PXT1: variants seen among roughly 807,000 people sequenced by gnomAD.
PXT1 encodes peroxisomal testis-specific protein 1.
Under a neutral mutation model 11.0 loss-of-function variants are expected in PXT1, and 11 were observed. The ratio of observed to expected loss-of-function variants is 1.00; its 90% CI spans 0.63 to 1.66. The LOEUF (loss-of-function observed/expected upper bound fraction) is 1.66. PXT1 is among the 40% of genes most tolerant of loss of function. The pLI is 0.00. For synonymous variants in PXT1, 43 were observed against 51.4 expected (o/e 0.84, Z 0.70); for missense variants, 141 against 155.5 (o/e 0.91, Z 0.49).
At chr6:36,409,968 A>AGAG (rs1554152342) in intron 3 of PXT1, among the ~76,000 whole-genome samples, 2 of 146,910 alleles carry the variant, frequency 1.4e-5, no homozygotes, top group African/African-American at 2.6e-5. Context: ...AGAAAGAGAA[A>AGAG]AAAGAAAGAA....
intron 3 of PXT1, among the ~76,000 whole-genome samples, chr6:36,417,535 G>A (rs889615864): frequency 3.4e-5 from 5 of 145,548 alleles, no homozygotes; most frequent in Admixed American, 7.1e-5. Context: ...CAGGAGGATC[G>A]CTTGAGCCCA....
At chr6:36,399,531 GT>G (rs1774186882) in intron 4 of PXT1, among the ~76,000 whole-genome samples, 1 of 152,182 alleles carries the variant, frequency 6.6e-6, no homozygotes, top group Non-Finnish European at 1.5e-5. Context: ...AAGGCTGTGT[GT>G]TGTCCACATT....
chr6:36,408,703 CAAAAAAAAAAAA>C (rs60161051), intron 3 of PXT1, among the ~76,000 whole-genome samples: 1 of 113,406 alleles, frequency 8.8e-6, no homozygotes, highest in African/African-American at 3.4e-5. Context: ...CTGTCTCTAC[CAAAAAAAAAAAA>C]AAAAAAAAAA....
intron 2 of PXT1, among the ~76,000 whole-genome samples, chr6:36,432,108 G>A (rs567798425): frequency 6.6e-6 from 1 of 152,210 alleles, no homozygotes; most frequent in African/African-American, 2.4e-5. Flanking sequence ...TATACAGGTA[G>A]ATAGATAGAT....
In PXT1 at chr6:36,391,901, A is replaced by G. The variant is rs756832180; in HGVS notation, c.301-27T>C. The G allele has an allele frequency of 3.2e-5, 43 of 1,351,834 alleles. 1 individual carries two copies. The highest frequency in any genetic ancestry group is 4.2e-5 in the Non-Finnish European group (42 of 1,010,688). 83.7% of individuals were successfully genotyped at this position (1,351,834 alleles called of 1,614,324 possible). ...TATTTGAAAAAAGGGAGACACAGAG[A>G]AAGGTTTTTTTTTTTTTTTAAAAGT... On this transcript the variant is annotated intron_variant, in intron 4 of 4. Coordinates refer to ENST00000454782, the MANE Select transcript of PXT1 (RefSeq NM_152990.4).
At chr6:36,415,015 ATAGT>A in intron 3 of PXT1, among the ~76,000 whole-genome samples, 1 of 152,334 alleles carries the variant, frequency 6.6e-6, no homozygotes, top group South Asian at 2.1e-4. Flanking sequence ...CAAATTTATC[ATAGT>A]TAAATGTTTA....
chr6:36,391,463 T>C lies in PXT1; in HGVS notation c.*307A>G, dbSNP rs1774065363. On this transcript the variant is annotated 3_prime_UTR_variant, in exon 5 of 5. Transcript: ENST00000454782. ...TTCCTGGAAGGAAATGTTCAAGGTT[T>C]CCTCACAAGGAGCCCTGGGACCATC... 3.3e-6 allele frequency: 1 copy of C among 298,962 alleles called. No homozygotes were observed. Among genetic ancestry groups the C allele is most frequent in the African/African-American group, 2.2e-5 (1 of 44,600 alleles). 18.5% of individuals were successfully genotyped at this position (298,962 alleles called of 1,614,324 possible).
Position 36,437,616 on chromosome 6 carries a change from C to G in PXT1, c.-10+1151G>C, listed in dbSNP as rs529518161. On this transcript the variant is annotated intron_variant, in intron 2 of 4. Coordinates refer to ENST00000454782, the MANE Select transcript of PXT1 (RefSeq NM_152990.4). ...GCAATCTCTGCCTCCTGGGTTCATGCCATTCTCCTGCCTCAGCCTCCTGAG... is the reference window on the plus strand; with the variant it reads ...GCAATCTCTGCCTCCTGGGTTCATGGCATTCTCCTGCCTCAGCCTCCTGAG... Among the ~76,000 whole-genome samples, 5 of 146,908 alleles carry G rather than the reference C, an allele frequency of 3.4e-5. No homozygotes were observed. In the South Asian group the frequency reaches 1.1e-3, roughly 32 times the overall value.
At chr6:36,391,906 T>TG in intron 4 of PXT1, 32 bp from the exon 5 acceptor site, 3 of 786,788 alleles carry the variant, frequency 3.8e-6, no homozygotes, top group Non-Finnish European at 5.1e-6. Flanking sequence ...CAGAGAAAGG[T>TG]TTTTTTTTTT....
rs535501587 is a variant in PXT1 at position 36,428,844 on chromosome 6, C to T, written c.-9-2753G>A. On this transcript the variant is annotated intron_variant, in intron 2 of 4. Coordinates refer to ENST00000454782, the MANE Select transcript of PXT1 (RefSeq NM_152990.4). ...CTAATTTCTGTATTTTTAGTAGAGA[C>T]GGGGTTTCACCAAGTTGTCCAGGCT... Among the ~76,000 whole-genome samples the T allele has an allele frequency of 3.4e-3, 524 of 151,894 alleles. 4 individuals carry two copies. Among genetic ancestry groups the T allele is most frequent in the African/African-American group, 0.012 (490 of 41,440 alleles).
chr6:36,429,997 A>ACTCT lies in PXT1; in HGVS notation c.-9-3907_-9-3906insAGAG, dbSNP rs567226758. On this transcript the variant is annotated intron_variant, in intron 2 of 4. Coordinates refer to ENST00000454782, the MANE Select transcript of PXT1 (RefSeq NM_152990.4). ...GTGGATAGGTGGATCACTTGAGATC[A>ACTCT]GGAGCTCGAGAGTAGCCTGGCCAAC... is the stretch of plus-strand genomic sequence containing the variant. Among the ~76,000 whole-genome samples, 570 of 151,948 alleles carry ACTCT rather than the reference A, an allele frequency of 3.8e-3. 4 individuals are homozygous for ACTCT. The highest frequency in any genetic ancestry group is 0.013 in the African/African-American group (543 of 41,496).
intron 2 of PXT1, among the ~76,000 whole-genome samples, chr6:36,435,878 C>A (rs1774755201): frequency 1.3e-5 from 2 of 152,164 alleles, no homozygotes; most frequent in South Asian, 4.1e-4. Flanking sequence ...CTAGAATAAA[C>A]CCCCTTTTCC....
intron 3 of PXT1, among the ~76,000 whole-genome samples, chr6:36,413,242 C>A (rs1433923414): frequency 6.6e-6 from 1 of 151,860 alleles, no homozygotes; most frequent in African/African-American, 2.4e-5. Context: ...CATGGTGAAA[C>A]CCCATCTCTA....
At chr6:36,430,806 A>C (rs1176107437) in intron 2 of PXT1, among the ~76,000 whole-genome samples, 1 of 151,814 alleles carries the variant, frequency 6.6e-6, no homozygotes, top group Non-Finnish European at 1.5e-5. Flanking sequence ...TTTTTTTTTA[A>C]TTTTTTGAGA....
intron 3 of PXT1, among the ~76,000 whole-genome samples, chr6:36,404,244 A>G (rs1332607250): frequency 1.3e-5 from 2 of 152,230 alleles, no homozygotes; most frequent in East Asian, 1.9e-4. Flanking sequence ...CAGTATAAGA[A>G]CACAGCCATG....
chr6:36,429,897 A>G (rs1447842522), intron 2 of PXT1, among the ~76,000 whole-genome samples: 1 of 152,034 alleles, frequency 6.6e-6, no homozygotes, highest in Non-Finnish European at 1.5e-5. Context: ...AGCTTAAAAT[A>G]CATTAGAAGT....
chr6:36,415,112 G>A (rs1774429458), intron 3 of PXT1, among the ~76,000 whole-genome samples: 1 of 152,070 alleles, frequency 6.6e-6, no homozygotes, highest in Admixed American at 6.6e-5. Context: ...TCTCAGGAAG[G>A]CTCAAAGTCT....
chr6:36,412,743 G>A (rs1031167044), intron 3 of PXT1, among the ~76,000 whole-genome samples: 2 of 149,756 alleles, frequency 1.3e-5, no homozygotes, highest in Non-Finnish European at 3.0e-5. Context: ...TTACAGGCAT[G>A]AGCCACTGCA....
At chr6:36,397,155 T>C (rs1269050128) in intron 4 of PXT1, among the ~76,000 whole-genome samples, 1 of 152,224 alleles carries the variant, frequency 6.6e-6, no homozygotes, top group Non-Finnish European at 1.5e-5. Flanking sequence ...CCTGGATGCA[T>C]TCTTACTGGG....
Sources: allele counts gnomAD v4.1 joint callset (sites outside exome capture counted in the v4.1 genomes callset), GRCh38; gene constraint gnomAD v4.1.1; transcripts MANE v1.5; gene names NCBI Gene and HGNC (gene_info 2026-07-23, HGNC 2026-07-21).